CYTH3: variants seen among roughly 807,000 people sequenced by gnomAD.
CYTH3 encodes cytohesin-3.
In CYTH3, 23 loss-of-function variants were observed where a neutral mutation model predicts 55.1. That is an observed-to-expected ratio of 0.42 (90% CI 0.30 to 0.59). The LOEUF is 0.59. CYTH3 is among the 20% of genes least tolerant of loss of function. The pLI, the probability that CYTH3 is intolerant of heterozygous loss-of-function variation, is 0.20. For missense variants in CYTH3, 413 were observed against 524.8 expected, an observed-to-expected ratio of 0.79 and a Z score of 2.08; for synonymous variants, 249 against 194.9, an observed-to-expected ratio of 1.28 and a Z score of -2.31.
At chr7:6,268,866 T>A (rs1445175490) in intron 1 of CYTH3, among the ~76,000 whole-genome samples, 2 of 152,062 alleles carry the variant, frequency 1.3e-5, no homozygotes, top group African/African-American at 4.8e-5. Flanking sequence ...ATGGAAAAAC[T>A]GAAAAGCCAA....
chr7:6,202,262 T>C (rs960141484), intron 1 of CYTH3, among the ~76,000 whole-genome samples: 2 of 151,844 alleles, frequency 1.3e-5, no homozygotes, highest in East Asian at 3.9e-4. Context: ...CACGGAAGAG[T>C]CCCTGAGGTC....
At chr7:6,222,410 A>G (rs1296875620) in intron 1 of CYTH3, among the ~76,000 whole-genome samples, 1 of 152,096 alleles carries the variant, frequency 6.6e-6, no homozygotes, top group Non-Finnish European at 1.5e-5. Flanking sequence ...TAACATTTTA[A>G]CATACAGAGA....
chr7:6,259,624 TAA>T (rs1780226801), intron 1 of CYTH3, among the ~76,000 whole-genome samples: 1 of 147,462 alleles, frequency 6.8e-6, no homozygotes, highest in Non-Finnish European at 1.5e-5. Flanking sequence ...ACATTAACTA[TAA>T]AAAGTTTATG....
At position 6,171,368 on chromosome 7, in the gene CYTH3, G is replaced by C. The variant is rs1256772067; in HGVS notation, c.450-54C>G. ...CGCATCAGAACCAACACCGCCTCAC[G>C]GCCAAGGGCGGCTTCTGCCCAGCTC... On this transcript the variant is annotated intron_variant, in intron 6 of 12. Coordinates refer to ENST00000350796, the MANE Select transcript of CYTH3 (RefSeq NM_004227.4). The surrounding 1 kb of genome is among the most constrained non-coding windows in gnomAD (Gnocchi z 6.7). The C allele has an allele frequency of 5.2e-6, 8 of 1,550,404 alleles. No individual in the cohort carries two copies. In the Admixed American group the frequency reaches 8.4e-5, roughly 16 times the overall value.
In CYTH3 at chr7:6,267,859, G is replaced by A. The variant is rs1040812210; in HGVS notation, c.34+4615C>T. On this transcript the variant is annotated intron_variant, in intron 1 of 12. Coordinates refer to ENST00000350796, the MANE Select transcript of CYTH3 (RefSeq NM_004227.4). ...CTATAAAAATTCCCTCAAAAAAGGTGTAAAATGGGTATTTTCTTACCATCA... is the reference window on the plus strand; with the variant it reads ...CTATAAAAATTCCCTCAAAAAAGGTATAAAATGGGTATTTTCTTACCATCA... 3.9e-5 allele frequency among the ~76,000 whole-genome samples: 6 copies of A among 152,268 alleles called. No homozygotes were observed. The South Asian group carries it at 1.2e-3, about 32-fold the overall frequency.
chr7:6,170,361 A>T lies in CYTH3; in HGVS notation c.823+174T>A. ...GCATGGCTCTGAGGCCCCGGCTCGGAGAAGCAGCCGTGGCCATGCAGCTAC... is the reference window on the plus strand; with the variant it reads ...GCATGGCTCTGAGGCCCCGGCTCGGTGAAGCAGCCGTGGCCATGCAGCTAC... On this transcript the variant is annotated intron_variant, in intron 9 of 12. Transcript: ENST00000350796. This position sits in a 1 kb window ranked among gnomAD's most constrained non-coding sequence, Gnocchi z 7.8. 1.6e-6 allele frequency: 1 copy of T among 617,448 alleles called. No individual in the cohort carries two copies. Among genetic ancestry groups the T allele is most frequent in the Non-Finnish European group, 2.8e-6 (1 of 362,942 alleles). The allele number at this position is 617,448 out of a possible 1,614,324, so 38.2% of individuals were successfully genotyped here. A position where few individuals can be genotyped will look rare whatever the true frequency, so the allele number is the denominator to read the frequency against.
intron 1 of CYTH3, among the ~76,000 whole-genome samples, chr7:6,237,720 C>CA (rs527986469): frequency 9.0e-4 from 135 of 150,802 alleles, no homozygotes; most frequent in South Asian, 2.3e-3. Flanking sequence ...AAAATAACAA[C>CA]AAAAAAAAAC....
chr7:6,252,961 C>T (rs145547053), intron 1 of CYTH3, among the ~76,000 whole-genome samples: 103 of 152,320 alleles, frequency 6.8e-4, no homozygotes, highest in African/African-American at 2.2e-3. Flanking sequence ...TTTACCCACA[C>T]ACACATTCCA....
chr7:6,254,270 TA>T (rs547220806), intron 1 of CYTH3, among the ~76,000 whole-genome samples: 7 of 148,718 alleles, frequency 4.7e-5, no homozygotes, highest in Admixed American at 6.7e-5. Context: ...TAGATAGGTT[TA>T]AAAAAAAAAG....
chr7:6,216,155 C>T (rs1784418978), intron 1 of CYTH3, among the ~76,000 whole-genome samples: 1 of 152,130 alleles, frequency 6.6e-6, no homozygotes, highest in Non-Finnish European at 1.5e-5. Flanking sequence ...AACTTTCCTT[C>T]TCCTCTTGGG....
In CYTH3 at chr7:6,167,951, G is replaced by A. The variant is rs1012312483; in HGVS notation, c.824-2141C>T. Among the ~76,000 whole-genome samples the A allele has an allele frequency of 5.9e-5, 9 of 152,308 alleles. No individual in the cohort carries two copies. The highest frequency in any genetic ancestry group is 1.9e-4 in the African/African-American group (8 of 41,578). On this transcript the variant is annotated intron_variant, in intron 9 of 12. Transcript: ENST00000350796. This position sits in a 1 kb window ranked among gnomAD's most constrained non-coding sequence, Gnocchi z 5.5. ...GTCCAGTCCTCAGGGCCAGGGGGTCGTTGCAGACCAGGACTGCAGGCCCAG... is the reference window on the plus strand; with the variant it reads ...GTCCAGTCCTCAGGGCCAGGGGGTCATTGCAGACCAGGACTGCAGGCCCAG...
At chr7:6,219,939 G>T (rs1784514779) in intron 1 of CYTH3, among the ~76,000 whole-genome samples, 1 of 152,132 alleles carries the variant, frequency 6.6e-6, no homozygotes, top group Non-Finnish European at 1.5e-5. Flanking sequence ...CAAGACTGTG[G>T]TGTTGGCAGA....
intron 1 of CYTH3, among the ~76,000 whole-genome samples, chr7:6,226,360 C>T (rs143425143): frequency 1.1e-3 from 169 of 152,276 alleles, no homozygotes; most frequent in African/African-American, 3.9e-3. Flanking sequence ...AGCTGTAGAA[C>T]ATCTGGCATT....
Position 6,161,796 on chromosome 7 carries a change from A to G in CYTH3, c.*3148T>C, listed in dbSNP as rs990355277. 4.6e-5 allele frequency: 7 copies of G among 152,442 alleles called. No homozygotes were observed. Among genetic ancestry groups the G allele is most frequent in the African/African-American group, 1.7e-4 (7 of 41,436 alleles). 9.4% of individuals were successfully genotyped at this position (152,442 alleles called of 1,614,324 possible). On this transcript the variant is annotated 3_prime_UTR_variant, in exon 13 of 13. Transcript: ENST00000350796. ...TAGGCTTGTTTTAACAATACATGTG[A>G]TTTTTATTTAGTGAACACAGTATCT...
At chr7:6,219,380 G>A (rs533165313) in intron 1 of CYTH3, among the ~76,000 whole-genome samples, 1 of 152,326 alleles carries the variant, frequency 6.6e-6, no homozygotes, top group Non-Finnish European at 1.5e-5. Context: ...TATGCAAAAA[G>A]GAACCAGGGC....
intron 1 of CYTH3, among the ~76,000 whole-genome samples, chr7:6,267,521 T>A (rs1583210788): frequency 2.0e-5 from 3 of 152,336 alleles, no homozygotes; most frequent in South Asian, 4.1e-4. Flanking sequence ...TTTGTTGCGG[T>A]CTTCCCAGAA....
At chr7:6,165,877 C>A in intron 9 of CYTH3, 67 bp from the exon 10 acceptor site, 4 of 1,511,016 alleles carry the variant, frequency 2.6e-6, no homozygotes, top group Non-Finnish European at 9.2e-7. Context: ...CAAGAGGGGG[C>A]CCTGGACCTG....
In CYTH3 at chr7:6,187,701, T is replaced by G. The variant is rs931242928; in HGVS notation, c.138A>C (p.Ala46=). ...DDIERLKYEI[A]EVMTEIDNLT... ...GATTGTCGATCTCTGTCATCACCTC[T>G]GCAATTTCATATTTCAGCCTCTGTC... Residue 46 remains alanine (A), a synonymous_variant, in exon 3 of 13, where the codon GCA becomes GCC. Coordinates refer to ENST00000350796, the MANE Select transcript of CYTH3 (RefSeq NM_004227.4). 6.2e-7 allele frequency: 1 copy of G among 1,614,172 alleles called. No individual in the cohort carries two copies. The highest frequency in any genetic ancestry group is 1.3e-5 in the African/African-American group (1 of 75,052).
At position 6,162,956 on chromosome 7, in the gene CYTH3, CT is replaced by C. The variant is rs1369761759; in HGVS notation, c.*1987del. On this transcript the variant is annotated 3_prime_UTR_variant, in exon 13 of 13. Coordinates refer to ENST00000350796, the MANE Select transcript of CYTH3 (RefSeq NM_004227.4). ...CCGGAGCCGGCCGTCAGTGTGTGGT[CT>C]GGGTGGGGGTCCAGGCAGCATTTAT... 4.6e-5 allele frequency: 7 copies of C among 152,742 alleles called. No homozygotes were observed. Among genetic ancestry groups the C allele is most frequent in the African/African-American group, 1.7e-4 (7 of 41,548 alleles). The allele number at this position is 152,742 out of a possible 1,614,324, so 9.5% of individuals were successfully genotyped here. A position where few individuals can be genotyped will look rare whatever the true frequency, so the allele number is the denominator to read the frequency against.
Sources: allele counts gnomAD v4.1 joint callset (sites outside exome capture counted in the v4.1 genomes callset), GRCh38; gene constraint gnomAD v4.1.1; non-coding constraint Gnocchi (gnomAD v3.1); transcripts MANE v1.5; gene names NCBI Gene and HGNC (gene_info 2026-07-23, HGNC 2026-07-21).